Variants in ZCWPW1 observed in about 807,000 individuals in gnomAD.
ZCWPW1 encodes zinc finger CW-type and PWWP domain containing 1.
Under a neutral mutation model 81.3 loss-of-function variants are expected in ZCWPW1, and 56 were observed. The ratio of observed to expected loss-of-function variants is 0.69; its 90% confidence interval spans 0.56 to 0.86. The LOEUF is 0.86. Ranked by LOEUF, ZCWPW1 falls within the 40% of genes least tolerant of loss-of-function variation. The pLI is 0.00. For missense variants in ZCWPW1, 650 were observed against 769.8 expected, an observed-to-expected ratio of 0.84 and a Z score of 1.84; for synonymous variants, 250 against 273.7, an observed-to-expected ratio of 0.91 and a Z score of 0.86.
intron 8 of ZCWPW1, among the ~76,000 whole-genome samples, chr7:100,414,392 T>C (rs192067017): frequency 4.6e-4 from 70 of 152,332 alleles, no homozygotes; most frequent in African/African-American, 1.6e-3. Context: ...TTTTGTTTGG[T>C]ACAAGCCTGT....
chr7:100,414,448 C>G (rs952435054), intron 8 of ZCWPW1, among the ~76,000 whole-genome samples: 3 of 152,142 alleles, frequency 2.0e-5, no homozygotes. Flanking sequence ...CAGGGTCTTG[C>G]TCTGTCACCA....
At chr7:100,413,832 C>T (rs1381181958) in intron 8 of ZCWPW1, among the ~76,000 whole-genome samples, 1 of 152,092 alleles carries the variant, frequency 6.6e-6, no homozygotes, top group African/African-American at 2.4e-5. Flanking sequence ...AAGCTTCCTG[C>T]CTCAGCCTCC....
Position 100,419,536 on chromosome 7 carries a change from T to A in ZCWPW1, c.282+94A>T, listed in dbSNP as rs991951234. On this transcript the variant is annotated intron_variant, in intron 4 of 17. Transcript: ENST00000684423. Reference sequence around the variant, plus strand: ...TACAAACCTGAAACTCTAGGGTGAATTTCCCCAGTGTGAAAAGACTCTGTT... The same window carrying A: ...TACAAACCTGAAACTCTAGGGTGAAATTCCCCAGTGTGAAAAGACTCTGTT... The A allele has an allele frequency of 2.0e-6, 3 of 1,508,318 alleles. No individual in the cohort carries two copies. In the South Asian group the frequency reaches 4.2e-5, roughly 21 times the overall value. The allele number at this position is 1,508,318 out of a possible 1,614,324, so 93.4% of individuals were successfully genotyped here. A position where few individuals can be genotyped will look rare whatever the true frequency, so the allele number is the denominator to read the frequency against.
chr7:100,418,889 G>A (rs551225380), intron 5 of ZCWPW1: 31 of 336,408 alleles, frequency 9.2e-5, no homozygotes, highest in Admixed American at 5.7e-4. Context: ...TGAAGTCAAT[G>A]TAATCCACTT....
chr7:100,404,290 C>A (rs201989132), intron 13 of ZCWPW1, 46 bp from the exon 14 acceptor site: 3 of 1,574,188 alleles, frequency 1.9e-6, no homozygotes, highest in African/African-American at 1.4e-5. Flanking sequence ...CCCTTTCAGG[C>A]GCAGCTTTTG....
chr7:100,402,105 C>A, intron 16 of ZCWPW1, 64 bp from the exon 17 acceptor site: 1 of 1,536,184 alleles, frequency 6.5e-7, no homozygotes, highest in Non-Finnish European at 8.8e-7. Flanking sequence ...CAGATGGACA[C>A]TGCACATTGA....
intron 16 of ZCWPW1, 170 bp downstream of exon 16, chr7:100,402,346 A>G: frequency 1.1e-6 from 1 of 878,936 alleles, no homozygotes; most frequent in South Asian, 1.3e-5. Flanking sequence ...AATTCAGTAC[A>G]GAGAAGCAAA....
rs562682793 is a variant in ZCWPW1 at position 100,401,007 on chromosome 7, G to A, written c.*7C>T. The A allele has an allele frequency of 6.3e-7, 1 of 1,599,406 alleles. No homozygotes were observed. Among genetic ancestry groups the A allele is most frequent in the Non-Finnish European group, 8.5e-7 (1 of 1,171,474 alleles). On this transcript the variant is annotated 3_prime_UTR_variant, in exon 18 of 18. Transcript: ENST00000684423. ...AGGGAGAAAAAGAGGGAGCAGAGGA[G>A]CACCAGCTACTTCCCAAACAGCGCC...
intron 15 of ZCWPW1, 50 bp from the exon 16 acceptor site, chr7:100,402,626 CTG>C: frequency 1.9e-6 from 3 of 1,574,478 alleles, no homozygotes; most frequent in Non-Finnish European, 2.6e-6. Flanking sequence ...AGGCCCCTAA[CTG>C]TTTTTAATAG....
At chr7:100,424,518 G>GT (rs748046621) in intron 2 of ZCWPW1, among the ~76,000 whole-genome samples, 2 of 152,252 alleles carry the variant, frequency 1.3e-5, no homozygotes, top group South Asian at 2.1e-4. Flanking sequence ...CTGGAGTGCA[G>GT]TGGTGCAATC....
chr7:100,411,114 G>C (rs1038196943), intron 8 of ZCWPW1, among the ~76,000 whole-genome samples: 1 of 152,084 alleles, frequency 6.6e-6, no homozygotes, highest in African/African-American at 2.4e-5. Context: ...TATTTCTCCA[G>C]TAAGTTCACT....
chr7:100,419,024 AAGAG>A (rs759692394), intron 5 of ZCWPW1, 83 bp downstream of exon 5: 2 of 1,034,922 alleles, frequency 1.9e-6, no homozygotes, highest in East Asian at 2.4e-5. Context: ...ATGGGAGAGA[AAGAG>A]AGAAGCTGTC....
At chr7:100,404,030 G>A (rs868341355) in intron 14 of ZCWPW1, 148 bp downstream of exon 14, 3 of 871,540 alleles carry the variant, frequency 3.4e-6, no homozygotes, top group Non-Finnish European at 3.5e-6. Flanking sequence ...CTAGATACTG[G>A]GTCAATGACA....
chr7:100,422,352 C>T (rs1170366446), intron 2 of ZCWPW1, among the ~76,000 whole-genome samples: 2 of 152,146 alleles, frequency 1.3e-5, no homozygotes, highest in Non-Finnish European at 2.9e-5. Context: ...TAGAAAATGA[C>T]ATTTCCAGGT....
chr7:100,409,360 G>T, intron 9 of ZCWPW1, 68 bp downstream of exon 9: 1 of 1,243,910 alleles, frequency 8.0e-7, no homozygotes, highest in Non-Finnish European at 1.2e-6. Flanking sequence ...TTAATCTAAA[G>T]GATAAGTGCA....
chr7:100,424,001 C>T (rs570093308), intron 2 of ZCWPW1, among the ~76,000 whole-genome samples: 26 of 143,804 alleles, frequency 1.8e-4, no homozygotes, highest in East Asian at 9.1e-4. Context: ...ACCCAGGAGG[C>T]GGAGGTTGCA....
intron 15 of ZCWPW1, 63 bp downstream of exon 15, chr7:100,403,631 C>T: frequency 8.8e-6 from 13 of 1,476,446 alleles, no homozygotes; most frequent in Non-Finnish European, 1.2e-5. Flanking sequence ...TGAGACCAGC[C>T]TGGGCAACCT....
intron 1 of ZCWPW1, among the ~76,000 whole-genome samples, chr7:100,428,291 C>G (rs1242125446): frequency 6.6e-6 from 1 of 152,134 alleles, no homozygotes; most frequent in Non-Finnish European, 1.5e-5. Flanking sequence ...TAGCTCCACC[C>G]GAGGGCGGTG....
intron 2 of ZCWPW1, among the ~76,000 whole-genome samples, chr7:100,421,734 C>G (rs1225129527): frequency 1.3e-5 from 2 of 152,022 alleles, no homozygotes; most frequent in Admixed American, 1.3e-4. Context: ...CTCTTGTTGC[C>G]CAGGCTGGAG....
Sources: allele counts gnomAD v4.1 joint callset (sites outside exome capture counted in the v4.1 genomes callset), GRCh38; gene constraint gnomAD v4.1.1; transcripts MANE v1.5; gene names NCBI Gene and HGNC (gene_info 2026-07-23, HGNC 2026-07-21).